The following SLC39A11 variants were observed in gnomAD, a reference collection of about 807,000 sequenced individuals.
The protein encoded by SLC39A11 is solute carrier family 39 member 11.
SLC39A11 carries 33 observed loss-of-function variants against 36.1 expected under a neutral mutation model. The ratio of observed to expected loss-of-function variants is 0.91; its 90% CI spans 0.69 to 1.22. SLC39A11 has a LOEUF of 1.22. Ranked by LOEUF, SLC39A11 falls within the 50% of genes most tolerant of loss-of-function variation. The probability of loss-of-function intolerance (pLI) is 0.00; values close to 1 mark genes in which losing one functional copy is unlikely to be tolerated. For synonymous variants in SLC39A11, 166 were observed against 170.3 expected, an observed-to-expected ratio of 0.97 and a Z score of 0.20; for missense variants, 432 against 430.3, an observed-to-expected ratio of 1.00 and a Z score of -0.03.
intron 5 of SLC39A11, among the ~76,000 whole-genome samples, chr17:72,938,585 C>A (rs2084913101): frequency 6.6e-6 from 1 of 151,996 alleles, no homozygotes; most frequent in Non-Finnish European, 1.5e-5. Flanking sequence ...GGAGCTTCTG[C>A]AAAAATAACT....
intron 5 of SLC39A11, among the ~76,000 whole-genome samples, chr17:72,928,382 C>T (rs971307458): frequency 6.6e-6 from 1 of 152,324 alleles, no homozygotes. Flanking sequence ...TAGTACCAAT[C>T]CTGATTCTAT....
At chr17:72,997,000 G>A (rs527774344) in intron 4 of SLC39A11, among the ~76,000 whole-genome samples, 14 of 152,056 alleles carry the variant, frequency 9.2e-5, no homozygotes, top group Middle Eastern at 3.4e-3. Flanking sequence ...CCCTCCCCAC[G>A]ACCATCTGCA....
chr17:72,657,994 G>A (rs2070218016), intron 7 of SLC39A11, among the ~76,000 whole-genome samples: 1 of 152,328 alleles, frequency 6.6e-6, no homozygotes, highest in African/African-American at 2.4e-5. Flanking sequence ...CCAGGAACTG[G>A]GCAGGCACGG....
At chr17:72,783,540 G>A (rs1303332917) in intron 6 of SLC39A11, among the ~76,000 whole-genome samples, 1 of 152,242 alleles carries the variant, frequency 6.6e-6, no homozygotes, top group Non-Finnish European at 1.5e-5. Context: ...ATCTACCTCA[G>A]CCAGATGGCT....
chr17:72,862,099 A>G (rs4969067), intron 5 of SLC39A11, among the ~76,000 whole-genome samples: 63,348 of 151,764 alleles, frequency 0.42, 13,653 homozygotes, highest in East Asian at 0.7. Flanking sequence ...CCATTTTTTT[A>G]TTGAGTCAGG....
chr17:73,068,115 G>T, intron 3 of SLC39A11: 1 of 1,386,220 alleles, frequency 7.2e-7, no homozygotes, highest in Non-Finnish European at 1.0e-6. Context: ...ACAGCCTTTA[G>T]CAAAATGTCA....
chr17:72,941,225 A>T (rs973970820), intron 5 of SLC39A11, among the ~76,000 whole-genome samples: 1 of 152,168 alleles, frequency 6.6e-6, no homozygotes, highest in Non-Finnish European at 1.5e-5. Flanking sequence ...GTGAGCCATG[A>T]TCGCACCACT....
intron 6 of SLC39A11, among the ~76,000 whole-genome samples, chr17:72,813,602 G>T (rs1171167821): frequency 1.3e-5 from 2 of 152,112 alleles, no homozygotes; most frequent in African/African-American, 2.4e-5. Context: ...TGGAACTCTT[G>T]GCAGCATCCA....
At chr17:72,909,573 T>A (rs910338328) in intron 5 of SLC39A11, among the ~76,000 whole-genome samples, 4 of 152,092 alleles carry the variant, frequency 2.6e-5, no homozygotes, top group African/African-American at 9.7e-5. Flanking sequence ...AAGAACTGTC[T>A]ATTTGTGTCT....
intron 4 of SLC39A11, among the ~76,000 whole-genome samples, chr17:73,023,022 C>T (rs1430529761): frequency 3.3e-5 from 5 of 152,222 alleles, no homozygotes; most frequent in African/African-American, 1.2e-4. Flanking sequence ...GCTTCCATTA[C>T]TGCAAGCTCA....
Position 73,047,966 on chromosome 17 carries a change from C to CAAAAAAA in SLC39A11, c.148-16259_148-16253dup, listed in dbSNP as rs1165334910. On this transcript the variant is annotated intron_variant, in intron 3 of 9. Transcript: ENST00000255559. ...CTGGCGACAGAGCAAGACTCCATCT[C>CAAAAAAA]AAAAAAAAAAAAAAAAAAAAAAAAA... is the stretch of plus-strand genomic sequence containing the variant. 1.7e-3 allele frequency among the ~76,000 whole-genome samples: 34 copies of CAAAAAAA among 20,490 alleles called. 8 individuals carry two copies. Among genetic ancestry groups the CAAAAAAA allele is most frequent in the South Asian group, 6.8e-3 (2 of 294 alleles). The allele number at this position is 20,490 out of a possible 152,430, so 13.4% of individuals were successfully genotyped here.
At chr17:72,749,179 C>A (rs2075055609) in intron 6 of SLC39A11, among the ~76,000 whole-genome samples, 1 of 152,174 alleles carries the variant, frequency 6.6e-6, no homozygotes, top group East Asian at 1.9e-4. Flanking sequence ...CTTTGCCCAG[C>A]AGGGAATTAT....
At chr17:72,822,304 TAGAGAGATATAATATATATATAG>T (rs2077820382) in intron 6 of SLC39A11, among the ~76,000 whole-genome samples, 2 of 146,908 alleles carry the variant, frequency 1.4e-5, no homozygotes, top group South Asian at 4.3e-4. Context: ...ATAATATATA[TAGAGAGATATAATATATATATAG>T]AGAGAGAGAG....
At chr17:73,041,552 G>A (rs911195252) in intron 3 of SLC39A11, among the ~76,000 whole-genome samples, 1 of 152,226 alleles carries the variant, frequency 6.6e-6, no homozygotes, top group African/African-American at 2.4e-5. Flanking sequence ...CCCAGCTAAG[G>A]GTGGGGATAC....
intron 5 of SLC39A11, among the ~76,000 whole-genome samples, chr17:72,931,489 TC>T (rs2084393650): frequency 6.6e-6 from 1 of 152,154 alleles, no homozygotes; most frequent in Non-Finnish European, 1.5e-5. Flanking sequence ...CTCCAAGATC[TC>T]AGCCCAGAAC....
chr17:72,913,115 A>G (rs1234637949), intron 5 of SLC39A11, among the ~76,000 whole-genome samples: 3 of 152,198 alleles, frequency 2.0e-5, no homozygotes, highest in Admixed American at 6.5e-5. Flanking sequence ...ATGCCATATT[A>G]TATACTGGTG....
intron 7 of SLC39A11, among the ~76,000 whole-genome samples, chr17:72,695,038 T>A (rs562019954): frequency 7.2e-5 from 11 of 152,336 alleles, no homozygotes; most frequent in African/African-American, 2.6e-4. Flanking sequence ...TGCCCCTTTC[T>A]TTCTGCTGGT....
chr17:72,668,634 T>G (rs1209461575), intron 7 of SLC39A11, among the ~76,000 whole-genome samples: 1 of 152,126 alleles, frequency 6.6e-6, no homozygotes, highest in Non-Finnish European at 1.5e-5. Context: ...CAGCTATGAA[T>G]GGGCATGAAG....
At chr17:72,717,801 G>T (rs1458687030) in intron 7 of SLC39A11, among the ~76,000 whole-genome samples, 1 of 152,172 alleles carries the variant, frequency 6.6e-6, no homozygotes, top group Non-Finnish European at 1.5e-5. Context: ...TACAGGACAG[G>T]TCACTCTTGC....
Sources: gnomAD v4.1 joint callset for allele counts (sites outside exome capture counted in the v4.1 genomes callset) on GRCh38, gnomAD v4.1.1 for gene constraint, MANE v1.5 for transcripts, NCBI Gene and HGNC (gene_info 2026-07-23, HGNC 2026-07-21) for gene names.